The following DZIP3 variants were observed in gnomAD, a reference collection of about 807,000 sequenced individuals.
The protein encoded by DZIP3 is DAZ interacting zinc finger protein 3.
DZIP3 carries 118 observed loss-of-function variants against 162.0 expected under a neutral mutation model. The observed-to-expected ratio is 0.73, with a 90% CI of 0.63 to 0.85. DZIP3 has a LOEUF of 0.85. Ranked by LOEUF, DZIP3 falls within the 40% of genes least tolerant of loss-of-function variation. DZIP3 has a pLI of 0.00. For synonymous variants in DZIP3, 438 were observed against 458.6 expected (o/e 0.96, Z 0.57); for missense variants, 1,331 against 1,407.0 (o/e 0.95, Z 0.86).
intron 12 of DZIP3, among the ~76,000 whole-genome samples, chr3:108,639,470 G>A (rs1942293827): frequency 6.6e-6 from 1 of 152,146 alleles, no homozygotes; most frequent in East Asian, 1.9e-4. Context: ...CTTTTAGTCT[G>A]TTCTACATAT....
chr3:108,684,267 A>G lies in DZIP3; in HGVS notation c.2935A>G (p.Ile979Val). Reference sequence around the variant, plus strand: ...TGTGAAAGAATCTTTCTTTAGACCCATACTTACTGTTCCTCAAATGCCTGC... The same window carrying G: ...TGTGAAAGAATCTTTCTTTAGACCCGTACTTACTGTTCCTCAAATGCCTGC... ...PLVKESFFRP[I>V]LTVPQMPAVC... Residue 979 changes from isoleucine to valine, a missense_variant, in exon 27 of 33, where the codon ATA (isoleucine) becomes GTA (valine). Physicochemically the swap from Ile to Val is conservative, Grantham distance 29 (BLOSUM62 3). Transcript: ENST00000361582. 6.2e-7 allele frequency: 1 copy of G among 1,613,490 alleles called. No homozygotes were observed. Among genetic ancestry groups the G allele is most frequent in the Non-Finnish European group, 8.5e-7 (1 of 1,179,678 alleles).
intron 10 of DZIP3, among the ~76,000 whole-genome samples, chr3:108,636,098 A>T (rs1045898846): frequency 6.6e-6 from 1 of 152,042 alleles, no homozygotes; most frequent in Non-Finnish European, 1.5e-5. Flanking sequence ...AAACAATTGT[A>T]TAAAGATTTA....
rs200719675 is a variant in DZIP3 at position 108,644,692 on chromosome 3, A to G, written c.1670A>G (p.Asn557Ser). 1.9e-5 allele frequency: 30 copies of G among 1,613,564 alleles called. No homozygotes were observed. The highest frequency in any genetic ancestry group is 2.5e-5 in the Non-Finnish European group (30 of 1,179,862). ...AAAGTGAAGGAGAATCCCATTGAGAATATCTCCCTTGATTACCATCAGCTA... is the reference window on the plus strand; with the variant it reads ...AAAGTGAAGGAGAATCCCATTGAGAGTATCTCCCTTGATTACCATCAGCTA... Reference protein sequence around the residue: ...IDKVKENPIENISLDYHQLSV... With the variant: ...IDKVKENPIESISLDYHQLSV... Residue 557 changes from asparagine to serine, a missense_variant, in exon 14 of 33, where the codon AAT becomes AGT. Transcript: ENST00000361582.
chr3:108,606,594 G>A (rs1279993539), intron 2 of DZIP3, among the ~76,000 whole-genome samples: 1 of 152,148 alleles, frequency 6.6e-6, no homozygotes, highest in African/African-American at 2.4e-5. Flanking sequence ...TAAAGAATGA[G>A]AAGCATTGTG....
chr3:108,662,101 T>C (rs1294240490), intron 20 of DZIP3, 29 bp from the exon 21 acceptor site: 3 of 1,575,218 alleles, frequency 1.9e-6, no homozygotes, highest in African/African-American at 1.4e-5. Context: ...TGAACATAAT[T>C]ATCTGAAATA....
chr3:108,611,449 C>A, intron 4 of DZIP3, 120 bp downstream of exon 4: 2 of 1,248,084 alleles, frequency 1.6e-6, no homozygotes, highest in Non-Finnish European at 2.2e-6. Context: ...CTCCATCTTA[C>A]TTCTTGTAAA....
chr3:108,689,667 A>G (rs1329874956), intron 31 of DZIP3, among the ~76,000 whole-genome samples: 2 of 152,152 alleles, frequency 1.3e-5, no homozygotes, highest in Non-Finnish European at 2.9e-5. Context: ...AGCCTGGGTG[A>G]TAGAGTGAGA....
chr3:108,612,352 T>G (rs1477548186), intron 4 of DZIP3, among the ~76,000 whole-genome samples: 1 of 152,148 alleles, frequency 6.6e-6, no homozygotes, highest in East Asian at 1.9e-4. Flanking sequence ...TATGCACAAT[T>G]ATAACCTTAA....
chr3:108,661,411 C>T (rs1943426109), intron 19 of DZIP3, among the ~76,000 whole-genome samples: 1 of 152,134 alleles, frequency 6.6e-6, no homozygotes, highest in African/African-American at 2.4e-5. Flanking sequence ...CACATGTTCT[C>T]ACTCATAGGT....
chr3:108,605,788 G>T (rs1379257396), intron 2 of DZIP3, among the ~76,000 whole-genome samples: 2 of 152,030 alleles, frequency 1.3e-5, no homozygotes, highest in African/African-American at 4.8e-5. Flanking sequence ...GACCCCAGAG[G>T]TAAAGGATAG....
In DZIP3 at chr3:108,677,332, T is replaced by C. The variant is rs996979665; in HGVS notation, c.2782-165T>C. Reference sequence around the variant, plus strand: ...ACTGTTTACATGTGGGGATGGTCTATAGAATTTTTTTTTTTTTTTGGTCAG... The same window carrying C: ...ACTGTTTACATGTGGGGATGGTCTACAGAATTTTTTTTTTTTTTTGGTCAG... On this transcript the variant is annotated intron_variant, in intron 25 of 32. Coordinates refer to ENST00000361582, the MANE Select transcript of DZIP3 (RefSeq NM_014648.4). Among the ~76,000 whole-genome samples the C allele has an allele frequency of 2.3e-5, 3 of 133,014 alleles. No individual in the cohort carries two copies. The East Asian group carries it at 7.0e-4, about 31-fold the overall frequency. 87.3% of individuals were successfully genotyped at this position (133,014 alleles called of 152,430 possible).
At chr3:108,661,645 A>C (rs1943441511) in intron 19 of DZIP3, among the ~76,000 whole-genome samples, 1 of 152,178 alleles carries the variant, frequency 6.6e-6, no homozygotes, top group Non-Finnish European at 1.5e-5. Flanking sequence ...TAATTAAAAA[A>C]AAAGAAATGG....
chr3:108,621,879 A>G (rs1941367726), intron 5 of DZIP3, among the ~76,000 whole-genome samples: 1 of 152,158 alleles, frequency 6.6e-6, no homozygotes, highest in African/African-American at 2.4e-5. Context: ...AGATGAATAA[A>G]TAACGAAAAT....
chr3:108,606,249 C>G (rs991511214), intron 2 of DZIP3, among the ~76,000 whole-genome samples: 4 of 152,154 alleles, frequency 2.6e-5, no homozygotes, highest in African/African-American at 9.7e-5. Context: ...AAATGACATT[C>G]TCTTTTCTCC....
chr3:108,675,264 T>C (rs1319669285), intron 24 of DZIP3, among the ~76,000 whole-genome samples: 1 of 152,020 alleles, frequency 6.6e-6, no homozygotes, highest in Non-Finnish European at 1.5e-5. Context: ...TTATGTACTA[T>C]ATAAAGGCAG....
chr3:108,678,406 C>T (rs967295171), intron 26 of DZIP3, among the ~76,000 whole-genome samples: 3 of 151,984 alleles, frequency 2.0e-5, no homozygotes, highest in South Asian at 2.1e-4. Flanking sequence ...TCCCTGGTGC[C>T]GAAAAGATTG....
chr3:108,645,731 T>C (rs1283939710), intron 14 of DZIP3, among the ~76,000 whole-genome samples: 1 of 152,174 alleles, frequency 6.6e-6, no homozygotes, highest in African/African-American at 2.4e-5. Flanking sequence ...TCAGAGATAA[T>C]TGATGTGCCC....
Position 108,644,778 on chromosome 3 carries a change from C to T in DZIP3, c.1756C>T (p.Gln586Ter). The T allele has an allele frequency of 6.3e-7, 1 of 1,596,606 alleles. No homozygotes were observed. The highest frequency in any genetic ancestry group is 8.5e-7 in the Non-Finnish European group (1 of 1,174,186). ...ACAGAGGATGTTATCCTGCTATCAA[C>T]AAGGTACTAAATGATTATTTACTTC... is the stretch of plus-strand genomic sequence containing the variant. ...IIQRMLSCYQ[Q>*]GIALQSITGS... The change falls in exon 14 of 33, where the codon CAA becomes TAA. Residue 586 changes from glutamine to a stop codon, truncating the protein, a stop_gained. Transcript: ENST00000361582. LOFTEE classifies it high-confidence loss of function.
intron 5 of DZIP3, among the ~76,000 whole-genome samples, chr3:108,618,781 G>T (rs1941157514): frequency 6.6e-6 from 1 of 152,070 alleles, no homozygotes; most frequent in African/African-American, 2.4e-5. Flanking sequence ...AAAGCTTATG[G>T]GCCGGGCGCG....
Sources: gnomAD v4.1 joint callset for allele counts (sites outside exome capture counted in the v4.1 genomes callset) on GRCh38, gnomAD v4.1.1 for gene constraint, MANE v1.5 for transcripts, NCBI Gene and HGNC (gene_info 2026-07-23, HGNC 2026-07-21) for gene names.